The following CDK17 variants were observed in gnomAD, a reference collection of about 807,000 sequenced individuals.
CDK17 encodes the protein cyclin dependent kinase 17, also known as cyclin-dependent kinase 17.
A neutral mutation model predicts 77.6 loss-of-function variants in CDK17; 24 were observed. The ratio of observed to expected loss-of-function variants is 0.31; its 90% CI spans 0.22 to 0.44. The LOEUF is 0.44. Among genes scored for constraint, CDK17 ranks in the 20% least tolerant of loss-of-function variants. The pLI is 1.00. For synonymous variants in CDK17, 203 were observed against 210.4 expected (o/e 0.96, Z 0.30); for missense variants, 429 against 622.5 (o/e 0.69, Z 3.31).
intron 1 of CDK17, among the ~76,000 whole-genome samples, chr12:96,342,186 T>A (rs1032970778): frequency 6.6e-6 from 1 of 152,144 alleles, no homozygotes; most frequent in African/African-American, 2.4e-5. Flanking sequence ...TCAGCAACGA[T>A]GACTATAAAT....
intron 5 of CDK17, among the ~76,000 whole-genome samples, chr12:96,301,753 G>A (rs112352742): frequency 2.2e-4 from 34 of 152,226 alleles, no homozygotes; most frequent in African/African-American, 7.9e-4. Flanking sequence ...GTCTAAATAC[G>A]CAATTTTCCT....
intron 1 of CDK17, among the ~76,000 whole-genome samples, chr12:96,342,318 A>G (rs1447480077): frequency 6.6e-6 from 1 of 152,262 alleles, no homozygotes; most frequent in Non-Finnish European, 1.5e-5. Flanking sequence ...TAAGCTAATC[A>G]TACAGAATGA....
At chr12:96,397,723 A>G (rs1443054133) in intron 1 of CDK17, among the ~76,000 whole-genome samples, 1 of 152,178 alleles carries the variant, frequency 6.6e-6, no homozygotes, top group African/African-American at 2.4e-5. Flanking sequence ...TGAAGGTTCA[A>G]TTTTCTAATT....
intron 1 of CDK17, among the ~76,000 whole-genome samples, chr12:96,380,189 A>C (rs558545541): frequency 3.7e-4 from 56 of 151,716 alleles, no homozygotes; most frequent in Non-Finnish European, 6.6e-4. Flanking sequence ...AAAAAACAAA[A>C]AAAAAACCCA....
intron 1 of CDK17, among the ~76,000 whole-genome samples, chr12:96,382,760 A>G (rs186493483): frequency 3.0e-4 from 45 of 152,292 alleles, no homozygotes; most frequent in Non-Finnish European, 5.3e-4. Flanking sequence ...AACAAAAAGC[A>G]TATCATCTTC....
chr12:96,323,805 A>G (rs1952856918), intron 3 of CDK17, 143 bp downstream of exon 3: 1 of 536,216 alleles, frequency 1.9e-6, no homozygotes. Context: ...AGAACTTTCC[A>G]TCCTTCTGCT....
At chr12:96,375,485 C>T (rs1953763195) in intron 1 of CDK17, among the ~76,000 whole-genome samples, 2 of 151,446 alleles carry the variant, frequency 1.3e-5, no homozygotes, top group Admixed American at 1.3e-4. Flanking sequence ...ACAGTGACTC[C>T]CAAATTTCCA....
intron 7 of CDK17, among the ~76,000 whole-genome samples, chr12:96,298,019 G>A (rs1410816211): frequency 2.6e-5 from 4 of 152,098 alleles, no homozygotes; most frequent in Non-Finnish European, 4.4e-5. Flanking sequence ...GGCTGGGCAC[G>A]GTGGCTCATG....
At chr12:96,290,409 C>G (rs868209412) in intron 10 of CDK17, among the ~76,000 whole-genome samples, 1 of 152,038 alleles carries the variant, frequency 6.6e-6, no homozygotes, top group African/African-American at 2.4e-5. Flanking sequence ...CTTGGTATAT[C>G]TGATTAAAAT....
intron 1 of CDK17, among the ~76,000 whole-genome samples, chr12:96,379,152 T>C (rs1470791356): frequency 6.6e-6 from 1 of 152,018 alleles, no homozygotes; most frequent in East Asian, 1.9e-4. Flanking sequence ...CTAAATTTAG[T>C]AAAATGGAGG....
chr12:96,363,570 A>G (rs1953531435), intron 1 of CDK17, among the ~76,000 whole-genome samples: 1 of 151,932 alleles, frequency 6.6e-6, no homozygotes, highest in Admixed American at 6.6e-5. Flanking sequence ...TTGTTGGGCC[A>G]GGTGTGGTGG....
intron 2 of CDK17, among the ~76,000 whole-genome samples, chr12:96,331,823 G>A (rs1313388988): frequency 1.3e-5 from 2 of 152,172 alleles, no homozygotes; most frequent in Non-Finnish European, 2.9e-5. Context: ...GCCTAGATAT[G>A]CAAGAGTAAT....
chr12:96,295,709 A>G (rs1274332701), intron 9 of CDK17, among the ~76,000 whole-genome samples: 1 of 152,232 alleles, frequency 6.6e-6, no homozygotes, highest in Non-Finnish European at 1.5e-5. Flanking sequence ...TCTCTTGGGT[A>G]CTTTACTTTC....
rs1954241216 is a variant in CDK17 at position 96,400,281 on chromosome 12, G to A, written c.-325C>T. The A allele has an allele frequency of 2.6e-6, 1 of 391,734 alleles. No homozygotes were observed. Among genetic ancestry groups the A allele is most frequent in the African/African-American group, 2.1e-5 (1 of 48,384 alleles). 24.3% of individuals were successfully genotyped at this position (391,734 alleles called of 1,614,324 possible). On this transcript the variant is annotated 5_prime_UTR_variant, in exon 1 of 17. Coordinates refer to ENST00000261211, the MANE Select transcript of CDK17 (RefSeq NM_002595.5). ...ACTAATCCCCTCGGAGCAGCCGGGCGCGAGCGCGGCGGGCGCCGACGGCGG... is the reference window on the plus strand; with the variant it reads ...ACTAATCCCCTCGGAGCAGCCGGGCACGAGCGCGGCGGGCGCCGACGGCGG...
chr12:96,389,464 G>T (rs891335181), intron 1 of CDK17, among the ~76,000 whole-genome samples: 2 of 152,180 alleles, frequency 1.3e-5, no homozygotes, highest in African/African-American at 2.4e-5. Flanking sequence ...TTCTTAGGAA[G>T]AAAGGGGATG....
intron 1 of CDK17, among the ~76,000 whole-genome samples, chr12:96,399,780 G>A (rs1342438470): frequency 6.6e-6 from 1 of 151,692 alleles, no homozygotes; most frequent in Non-Finnish European, 1.5e-5. Context: ...ATCCCCGGGC[G>A]ACCCAAGGTC....
At chr12:96,318,245 C>G (rs1191640722) in intron 3 of CDK17, among the ~76,000 whole-genome samples, 3 of 151,992 alleles carry the variant, frequency 2.0e-5, no homozygotes, top group Admixed American at 2.0e-4. Context: ...ACAGGAGGAG[C>G]TAACTATCCT....
At chr12:96,357,348 G>C (rs191178392) in intron 1 of CDK17, among the ~76,000 whole-genome samples, 1 of 152,250 alleles carries the variant, frequency 6.6e-6, no homozygotes, top group East Asian at 1.9e-4. Flanking sequence ...TGTAGTCCTA[G>C]CTACTTAGGA....
intron 1 of CDK17, among the ~76,000 whole-genome samples, chr12:96,372,303 C>CT (rs1199663394): frequency 1.3e-5 from 2 of 152,088 alleles, no homozygotes; most frequent in African/African-American, 4.8e-5. Flanking sequence ...AAATCTCCCT[C>CT]TTATATGGCC....
Sources: allele counts gnomAD v4.1 joint callset (sites outside exome capture counted in the v4.1 genomes callset), GRCh38; gene constraint gnomAD v4.1.1; transcripts MANE v1.5; gene names NCBI Gene and HGNC (gene_info 2026-07-23, HGNC 2026-07-21).